ZBTB40: variants seen among roughly 807,000 people sequenced by gnomAD.
ZBTB40 encodes the protein zinc finger and BTB domain-containing protein 40.
In ZBTB40, 60 loss-of-function variants were observed where a neutral mutation model predicts 117.5. The ratio of observed to expected loss-of-function variants is 0.51; its 90% CI spans 0.41 to 0.63. The LOEUF (loss-of-function observed/expected upper bound fraction) is 0.63. Ranked by LOEUF, ZBTB40 falls within the 30% of genes least tolerant of loss-of-function variation. The pLI, the probability that ZBTB40 is intolerant of heterozygous loss-of-function variation, is 0.00. For missense variants in ZBTB40, 1,287 were observed against 1,498.5 expected (o/e 0.86, Z 2.33); for synonymous variants, 525 against 577.1 (o/e 0.91, Z 1.29).
intron 1 of ZBTB40, among the ~76,000 whole-genome samples, chr1:22,473,871 G>A (rs1001634424): frequency 1.3e-5 from 2 of 152,192 alleles, no homozygotes; most frequent in African/African-American, 2.4e-5. Flanking sequence ...ACCTGAGTTC[G>A]AGTGTGGATT....
intron 12 of ZBTB40, among the ~76,000 whole-genome samples, chr1:22,514,064 C>T (rs1328907967): frequency 1.3e-5 from 2 of 152,106 alleles, no homozygotes; most frequent in East Asian, 1.9e-4. Context: ...GGGAGTGTAG[C>T]GCCCGTTACA....
intron 1 of ZBTB40, among the ~76,000 whole-genome samples, chr1:22,435,291 G>T: frequency 6.6e-6 from 1 of 152,172 alleles, no homozygotes; most frequent in Non-Finnish European, 1.5e-5. Context: ...ATGCGCCATT[G>T]TGCCCAGCTT....
intron 8 of ZBTB40, 59 bp from the exon 9 acceptor site, chr1:22,509,041 G>A (rs777253049): frequency 6.2e-7 from 1 of 1,613,526 alleles, no homozygotes; most frequent in Non-Finnish European, 8.5e-7. Context: ...GAGGAAGGGT[G>A]TAGGAAAAAA....
chr1:22,497,118 C>T (rs565441922), intron 3 of ZBTB40, among the ~76,000 whole-genome samples: 1 of 152,282 alleles, frequency 6.6e-6, no homozygotes, highest in South Asian at 2.1e-4. Flanking sequence ...TTATTCCTAG[C>T]CATGTCTCTG....
chr1:22,482,144 CTG>C (rs1320127047), intron 1 of ZBTB40, among the ~76,000 whole-genome samples: 1 of 151,942 alleles, frequency 6.6e-6, no homozygotes, highest in African/African-American at 2.4e-5. Context: ...TTAAAACAGA[CTG>C]TATTCAAAAA....
intron 1 of ZBTB40, among the ~76,000 whole-genome samples, chr1:22,438,062 G>A (rs537763128): frequency 1.2e-4 from 18 of 152,052 alleles, no homozygotes; most frequent in African/African-American, 3.4e-4. Flanking sequence ...CCCAGGAGGC[G>A]GAGGTTGCAG....
At chr1:22,510,381 G>A (rs1373941784) in intron 9 of ZBTB40, among the ~76,000 whole-genome samples, 1 of 152,180 alleles carries the variant, frequency 6.6e-6, no homozygotes, top group South Asian at 2.1e-4. Context: ...CCAGCACGCC[G>A]TAACTTCAGA....
chr1:22,477,477 C>T (rs987420249), intron 1 of ZBTB40, among the ~76,000 whole-genome samples: 3 of 151,924 alleles, frequency 2.0e-5, no homozygotes, highest in East Asian at 1.9e-4. Flanking sequence ...GGTGAAACCC[C>T]GTCTCTACTA....
chr1:22,470,587 T>C (rs569276767), intron 1 of ZBTB40, among the ~76,000 whole-genome samples: 43 of 152,282 alleles, frequency 2.8e-4, no homozygotes, highest in African/African-American at 9.9e-4. Flanking sequence ...GAAAAGCCTA[T>C]GGTCAGGGCC....
In ZBTB40 at chr1:22,526,992, C is replaced by G. The variant is rs1442814950; in HGVS notation, c.*596C>G. ...GCCACGCCCAGCACCCTATTGATGG[C>G]TATAGGACAGGTAGCCCTCATTTCC... On this transcript the variant is annotated 3_prime_UTR_variant, in exon 18 of 18. Transcript: ENST00000375647. 2 of 172,458 alleles carry G rather than the reference C, an allele frequency of 1.2e-5. No homozygotes were observed. Among genetic ancestry groups the G allele is most frequent in the Non-Finnish European group, 2.5e-5 (2 of 79,194 alleles). 10.7% of individuals were successfully genotyped at this position (172,458 alleles called of 1,614,324 possible).
At chr1:22,473,987 A>T (rs1641482456) in intron 1 of ZBTB40, among the ~76,000 whole-genome samples, 1 of 152,206 alleles carries the variant, frequency 6.6e-6, no homozygotes, top group Admixed American at 6.5e-5. Context: ...TGTAAATCCC[A>T]GTATATAAGC....
At chr1:22,502,661 G>A (rs1403889434) in intron 5 of ZBTB40, among the ~76,000 whole-genome samples, 2 of 152,140 alleles carry the variant, frequency 1.3e-5, no homozygotes, top group African/African-American at 4.8e-5. Context: ...ATGGATGGAT[G>A]GATGGATGTG....
chr1:22,476,031 A>G (rs2124411034), intron 1 of ZBTB40, among the ~76,000 whole-genome samples: 1 of 152,294 alleles, frequency 6.6e-6, no homozygotes, highest in Admixed American at 6.5e-5. Context: ...TTGTTAGGGA[A>G]CTTGCCAGCA....
At chr1:22,523,226 C>T (rs972311447) in intron 16 of ZBTB40, among the ~76,000 whole-genome samples, 2 of 152,084 alleles carry the variant, frequency 1.3e-5, no homozygotes, top group East Asian at 1.9e-4. Flanking sequence ...GCTGGGATTA[C>T]AGGCGTGAGC....
Position 22,511,260 on chromosome 1 carries a change from C to T in ZBTB40, c.1915C>T (p.Pro639Ser), listed in dbSNP as rs200307292. 32 of 1,614,028 alleles carry T rather than the reference C, an allele frequency of 2.0e-5. No individual in the cohort carries two copies. In the East Asian group the frequency reaches 4.7e-4, roughly 24 times the overall value. Residue 639 changes from proline (P) to serine (S), a missense_variant, in exon 10 of 18, where the codon CCG becomes TCG. By Grantham distance (74) the Pro-to-Ser change is moderately conservative. Transcript: ENST00000375647. ...GAGCAGAGCCATGGAAAAATCAGTC[C>T]CGGCCATTGAAATATGCCACCTCCT... Reference protein sequence around the residue: ...VLSRAMEKSVPAIEICHLLCS... With the variant: ...VLSRAMEKSVSAIEICHLLCS...
At chr1:22,508,854 T>A in intron 8 of ZBTB40, 123 bp downstream of exon 8, 1 of 1,143,612 alleles carries the variant, frequency 8.7e-7, no homozygotes, top group Non-Finnish European at 1.2e-6. Flanking sequence ...AAGTAAGGAC[T>A]GGCAGTTTTG....
At chr1:22,497,009 G>A (rs925037581) in intron 3 of ZBTB40, among the ~76,000 whole-genome samples, 11 of 152,212 alleles carry the variant, frequency 7.2e-5, no homozygotes, top group African/African-American at 2.2e-4. Flanking sequence ...ACCGGTGTAA[G>A]TCCAAGAATG....
chr1:22,524,293 C>T lies in ZBTB40; in HGVS notation c.3374C>T (p.Thr1125Met), dbSNP rs759690279. The T allele has an allele frequency of 1.4e-5, 23 of 1,614,078 alleles. No homozygotes were observed. In the East Asian group the frequency reaches 1.6e-4, roughly 11 times the overall value. Residue 1125 changes from threonine to methionine, a missense_variant, in exon 17 of 18, where the codon ACG becomes ATG. By Grantham distance (81) the Thr-to-Met change is moderately conservative. Transcript: ENST00000375647. ...GGAGCATTGCAGCACCATGTCACCA[C>T]GGAGCACTTCAAGCAGTCAGAGACC... ...FPGALQHHVT[T>M]EHFKQSETTF...
chr1:22,476,504 G>A (rs923601573), intron 1 of ZBTB40, among the ~76,000 whole-genome samples: 4 of 152,232 alleles, frequency 2.6e-5, no homozygotes, highest in African/African-American at 9.6e-5. Flanking sequence ...ACAGGCGTGA[G>A]CCACCACGCC....
Sources: gnomAD v4.1 joint callset for allele counts (sites outside exome capture counted in the v4.1 genomes callset) on GRCh38, gnomAD v4.1.1 for gene constraint, MANE v1.5 for transcripts, NCBI Gene and HGNC (gene_info 2026-07-23, HGNC 2026-07-21) for gene names.